The following STK3 variants were observed in gnomAD, a reference collection of about 807,000 sequenced individuals.
The protein encoded by STK3 is serine/threonine-protein kinase 3.
STK3 carries 41 observed loss-of-function variants against 58.0 expected under a neutral mutation model. The ratio of observed to expected loss-of-function variants is 0.71; its 90% CI spans 0.55 to 0.92. STK3 has a LOEUF of 0.92. Ranked by LOEUF, STK3 falls within the 40% of genes least tolerant of loss-of-function variation. STK3 has a pLI of 0.00. For missense variants in STK3, 479 were observed against 602.7 expected (o/e 0.79, Z 2.15); for synonymous variants, 170 against 191.0 (o/e 0.89, Z 0.91).
chr8:98,568,351 G>A (rs1243745928), intron 8 of STK3, among the ~76,000 whole-genome samples: 1 of 152,176 alleles, frequency 6.6e-6, no homozygotes, highest in African/African-American at 2.4e-5. Context: ...CTAGAAAAAT[G>A]TTTGGAAGTT....
intron 6 of STK3, among the ~76,000 whole-genome samples, chr8:98,657,165 G>A (rs1384480650): frequency 6.6e-6 from 1 of 151,926 alleles, no homozygotes; most frequent in African/African-American, 2.4e-5. Context: ...TAACAGTCAA[G>A]ACCGACCTCT....
the STK3 span, among the ~76,000 whole-genome samples, chr8:98,363,932 G>A: frequency 6.6e-6 from 1 of 152,226 alleles, no homozygotes; most frequent in Non-Finnish European, 1.5e-5. Flanking sequence ...CAGGCAGGAT[G>A]GGAGGGGAGT....
At chr8:98,725,947 G>A (rs146216903) in intron 4 of STK3, among the ~76,000 whole-genome samples, 37 of 152,240 alleles carry the variant, frequency 2.4e-4, no homozygotes, top group Non-Finnish European at 4.3e-4. Context: ...GGGTCACAGA[G>A]CTAATAAGTA....
chr8:98,353,933 A>G, the STK3 span, among the ~76,000 whole-genome samples: 3 of 152,214 alleles, frequency 2.0e-5, no homozygotes, highest in African/African-American at 7.2e-5. Context: ...ACAACATAAC[A>G]AGACTCAACT....
intron 8 of STK3, among the ~76,000 whole-genome samples, chr8:98,564,347 C>T (rs953608510): frequency 1.3e-5 from 2 of 152,052 alleles, no homozygotes; most frequent in East Asian, 3.9e-4. Flanking sequence ...GTGCTTGCCA[C>T]AAATGACAAA....
intron 10 of STK3, among the ~76,000 whole-genome samples, chr8:98,460,258 C>G (rs943310408): frequency 1.3e-5 from 2 of 152,208 alleles, no homozygotes; most frequent in African/African-American, 4.8e-5. Flanking sequence ...GGCTACCCTG[C>G]TGGGTTTCAG....
chr8:98,709,926 AT>A (rs142232204), intron 4 of STK3, among the ~76,000 whole-genome samples: 47,686 of 150,406 alleles, frequency 0.32, 8,693 homozygotes, highest in African/African-American at 0.51. Context: ...AGTTTTTGCC[AT>A]TTTTTTTTTA....
intron 1 of STK3, among the ~76,000 whole-genome samples, chr8:98,820,068 C>T (rs951781125): frequency 6.6e-6 from 1 of 152,124 alleles, no homozygotes; most frequent in African/African-American, 2.4e-5. Flanking sequence ...ATTCTCAACC[C>T]GATCCCTTTG....
At chr8:98,446,932 T>C (rs1307300178) in intron 1 of STK3, among the ~76,000 whole-genome samples, 3 of 152,144 alleles carry the variant, frequency 2.0e-5, no homozygotes, top group Non-Finnish European at 2.9e-5. Flanking sequence ...ATAATGTCTT[T>C]TGTGAGGACA....
chr8:98,604,624 T>C (rs1202467672), intron 6 of STK3, among the ~76,000 whole-genome samples: 2 of 152,144 alleles, frequency 1.3e-5, no homozygotes, highest in African/African-American at 2.4e-5. Flanking sequence ...CTTTTCCATA[T>C]CTCCTCTAAA....
intron 6 of STK3, among the ~76,000 whole-genome samples, chr8:98,665,016 T>C (rs1027002624): frequency 6.6e-6 from 1 of 152,174 alleles, no homozygotes; most frequent in Admixed American, 6.5e-5. Context: ...TTCTTATAAT[T>C]GTATGTACTG....
intron 6 of STK3, among the ~76,000 whole-genome samples, chr8:98,652,601 G>C (rs1385879027): frequency 6.9e-6 from 1 of 145,376 alleles, no homozygotes; most frequent in Non-Finnish European, 1.5e-5. Flanking sequence ...CACGTGCAGA[G>C]ACACACATAG....
the STK3 span, among the ~76,000 whole-genome samples, chr8:98,345,098 T>C: frequency 6.6e-6 from 1 of 151,884 alleles, no homozygotes; most frequent in Non-Finnish European, 1.5e-5. Context: ...CTGAAAATCC[T>C]AGGTGTCTCT....
intron 4 of STK3, among the ~76,000 whole-genome samples, chr8:98,710,532 C>T (rs186259033): frequency 6.6e-5 from 10 of 152,294 alleles, no homozygotes; most frequent in Admixed American, 1.3e-4. Flanking sequence ...ACCCATGGAG[C>T]CTCGCTCACT....
intron 1 of STK3, among the ~76,000 whole-genome samples, chr8:98,915,365 T>G (rs558052426): frequency 6.7e-6 from 1 of 148,584 alleles, no homozygotes; most frequent in Non-Finnish European, 1.5e-5. Context: ...CTCTCCTTGC[T>G]CCTCAGCCTG....
At chr8:98,573,710 A>G (rs1242407700) in intron 8 of STK3, among the ~76,000 whole-genome samples, 1 of 152,206 alleles carries the variant, frequency 6.6e-6, no homozygotes, top group African/African-American at 2.4e-5. Flanking sequence ...GTCTCATCTG[A>G]GACAAGGCAA....
intron 3 of STK3, among the ~76,000 whole-genome samples, chr8:98,849,063 A>G (rs1237964758): frequency 6.6e-6 from 1 of 151,938 alleles, no homozygotes; most frequent in African/African-American, 2.4e-5. Context: ...CGTCTCTACT[A>G]AAAATACAAA....
downstream of STK3, chr8:98,880,561 GAAT>G (rs1366892733): frequency 1.3e-5 from 2 of 151,942 alleles, no homozygotes; most frequent in Non-Finnish European, 2.9e-5. Context: ...TGTTGAGAAA[GAAT>G]AAGAACCAAG....
intron 1 of STK3, among the ~76,000 whole-genome samples, chr8:98,920,099 A>G (rs2132004970): frequency 6.6e-6 from 1 of 152,358 alleles, no homozygotes; most frequent in African/African-American, 2.4e-5. Flanking sequence ...GAGGGCAACT[A>G]GAAGGTTACA....
Sources: allele counts gnomAD v4.1 joint callset (sites outside exome capture counted in the v4.1 genomes callset), GRCh38; gene constraint gnomAD v4.1.1; transcripts MANE v1.5; gene names NCBI Gene and HGNC (gene_info 2026-07-23, HGNC 2026-07-21).